Variants in AKR1C8 observed in about 807,000 individuals in gnomAD.
AKR1C8 encodes the protein aldo-keto reductase family 1 member C8, also known as aldo-keto reductase family 1 member C-like protein 1.
the AKR1C8 span, chr10:5,154,153 G>T: frequency 2.1e-6 from 1 of 470,202 alleles, no homozygotes; most frequent in Non-Finnish European, 4.4e-6. Context: ...ATATTCTTCA[G>T]AAAATGGAAA....
chr10:5,127,194 G>A, the AKR1C8 span, among the ~76,000 whole-genome samples: 1 of 151,424 alleles, frequency 6.6e-6, no homozygotes, highest in African/African-American at 2.4e-5. Context: ...ATCACAGAAA[G>A]GTGAAAAACA....
At chr10:5,152,885 G>C in the AKR1C8 span, among the ~76,000 whole-genome samples, 1 of 151,850 alleles carries the variant, frequency 6.6e-6, no homozygotes, top group Non-Finnish European at 1.5e-5. Context: ...TCTTTTCTTT[G>C]TATTACTGGA....
the AKR1C8 span, among the ~76,000 whole-genome samples, chr10:5,122,485 A>T: frequency 6.6e-6 from 1 of 152,154 alleles, no homozygotes; most frequent in Non-Finnish European, 1.5e-5. Flanking sequence ...TAGACACAAT[A>T]CCTGCCACCT....
the AKR1C8 span, among the ~76,000 whole-genome samples, chr10:5,135,402 T>C: frequency 5.9e-5 from 9 of 152,274 alleles, 1 homozygote; most frequent in East Asian, 3.9e-4. Context: ...ATGAAGAAAA[T>C]TGAATCCAGT....
At chr10:5,138,566 G>T in the AKR1C8 span, among the ~76,000 whole-genome samples, 1 of 152,114 alleles carries the variant, frequency 6.6e-6, no homozygotes, top group Non-Finnish European at 1.5e-5. Context: ...TTATCACAGT[G>T]GTCTTGAGGC....
the AKR1C8 span, among the ~76,000 whole-genome samples, chr10:5,125,883 T>A: frequency 6.6e-6 from 1 of 152,184 alleles, no homozygotes; most frequent in Non-Finnish European, 1.5e-5. Flanking sequence ...CCCCACTGGG[T>A]GGCTAGACCC....
At chr10:5,178,171 T>C in the AKR1C8 span, among the ~76,000 whole-genome samples, 8 of 152,358 alleles carry the variant, frequency 5.3e-5, no homozygotes, top group Non-Finnish European at 8.8e-5. Context: ...GAGATTCTGG[T>C]ATGTTGTGTC....
chr10:5,144,515 G>A, the AKR1C8 span, among the ~76,000 whole-genome samples: 1 of 151,094 alleles, frequency 6.6e-6, no homozygotes, highest in Admixed American at 6.6e-5. Context: ...AGCATGGAAT[G>A]TTCTTCCATT....
the AKR1C8 span, among the ~76,000 whole-genome samples, chr10:5,178,181 C>T: frequency 1.7e-3 from 252 of 152,254 alleles, 2 homozygotes; most frequent in Admixed American, 5.8e-3. Flanking sequence ...TATGTTGTGT[C>T]TTTGTTCTCA....
chr10:5,166,646 G>C, the AKR1C8 span, among the ~76,000 whole-genome samples: 1 of 152,012 alleles, frequency 6.6e-6, no homozygotes, highest in East Asian at 1.9e-4. Context: ...TTTAAGATGG[G>C]TTAAAGACTT....
chr10:5,147,707 CCT>C, the AKR1C8 span, among the ~76,000 whole-genome samples: 1 of 152,168 alleles, frequency 6.6e-6, no homozygotes, highest in Non-Finnish European at 1.5e-5. Flanking sequence ...TTTGGGCAGC[CCT>C]GTCTCCATGG....
the AKR1C8 span, among the ~76,000 whole-genome samples, chr10:5,168,729 A>C: frequency 8.3e-4 from 126 of 152,250 alleles, 1 homozygote; most frequent in Non-Finnish European, 2.8e-4. Flanking sequence ...AAAACCAGTA[A>C]AAAGGGGAAA....
At chr10:5,176,074 A>T in the AKR1C8 span, among the ~76,000 whole-genome samples, 1 of 151,870 alleles carries the variant, frequency 6.6e-6, no homozygotes, top group Non-Finnish European at 1.5e-5. Flanking sequence ...CTGAATGGTA[A>T]TGCCTAGGTT....
At chr10:5,155,910 C>T in the AKR1C8 span, among the ~76,000 whole-genome samples, 1 of 152,142 alleles carries the variant, frequency 6.6e-6, no homozygotes, top group Admixed American at 6.5e-5. Context: ...CTTGAGACGT[C>T]TTCCACCTGA....
At chr10:5,148,538 G>A in the AKR1C8 span, among the ~76,000 whole-genome samples, 1 of 152,086 alleles carries the variant, frequency 6.6e-6, no homozygotes, top group Non-Finnish European at 1.5e-5. Context: ...ACAAATATTT[G>A]AGGATAAAAA....
At chr10:5,133,782 G>A in the AKR1C8 span, among the ~76,000 whole-genome samples, 4 of 152,148 alleles carry the variant, frequency 2.6e-5, no homozygotes, top group African/African-American at 7.2e-5. Context: ...GTACATCTAC[G>A]GGTGGCAGTC....
the AKR1C8 span, among the ~76,000 whole-genome samples, chr10:5,127,466 C>G: frequency 3.9e-5 from 6 of 152,052 alleles, no homozygotes; most frequent in African/African-American, 1.4e-4. Context: ...CACCTGTAAT[C>G]CCAGCACTTT....
chr10:5,122,196 C>A, the AKR1C8 span: 36 of 348,902 alleles, frequency 1.0e-4, no homozygotes, highest in African/African-American at 7.7e-4. Flanking sequence ...TCACATTCAC[C>A]TTTCCCAGGA....
chr10:5,123,532 G>C, the AKR1C8 span: 1 of 600,352 alleles, frequency 1.7e-6, no homozygotes, highest in Non-Finnish European at 2.9e-6. Flanking sequence ...TTCTGCACCA[G>C]AGCGTCTCAA....
Sources: allele counts gnomAD v4.1 joint callset (sites outside exome capture counted in the v4.1 genomes callset), GRCh38; gene constraint gnomAD v4.1.1; transcripts MANE v1.5; gene names NCBI Gene and HGNC (gene_info 2026-07-23, HGNC 2026-07-21).